Variants in ZNF407 observed in about 807,000 individuals in gnomAD.
ZNF407 encodes zinc finger protein 407.
ZNF407 carries 17 observed loss-of-function variants against 131.2 expected under a neutral mutation model. The ratio of observed to expected loss-of-function variants is 0.13; its 90% confidence interval spans 0.09 to 0.19. ZNF407 has a LOEUF of 0.19. ZNF407 is among the 10% of genes least tolerant of loss of function. The pLI is 1.00. For missense variants in ZNF407, 2,681 were observed against 2,830.6 expected, an observed-to-expected ratio of 0.95 and a Z score of 1.20; for synonymous variants, 1,156 against 1,062.0, an observed-to-expected ratio of 1.09 and a Z score of -1.72.
intron 8 of ZNF407, among the ~76,000 whole-genome samples, chr18:75,002,306 T>C (rs76292966): frequency 0.024 from 3,639 of 152,294 alleles, 135 homozygotes; most frequent in African/African-American, 0.08. Context: ...TAATAGACTT[T>C]CCTTTTTCTT....
At chr18:75,019,898 C>T (rs1453451699) in intron 8 of ZNF407, among the ~76,000 whole-genome samples, 1 of 152,120 alleles carries the variant, frequency 6.6e-6, no homozygotes, top group East Asian at 1.9e-4. Flanking sequence ...TTACTCATCA[C>T]AAGAACAGCA....
chr18:74,802,150 G>A (rs1243374052), intron 4 of ZNF407, among the ~76,000 whole-genome samples: 2 of 152,024 alleles, frequency 1.3e-5, no homozygotes, highest in Non-Finnish European at 2.9e-5. Flanking sequence ...ATATATAAAT[G>A]TACATATAGT....
intron 3 of ZNF407, among the ~76,000 whole-genome samples, chr18:74,762,788 T>G (rs1168889934): frequency 3.3e-5 from 5 of 152,164 alleles, no homozygotes; most frequent in Admixed American, 1.3e-4. Flanking sequence ...TAATTCCTCA[T>G]TATTGCTGAG....
intron 8 of ZNF407, among the ~76,000 whole-genome samples, chr18:74,956,758 C>A (rs1030252666): frequency 1.3e-5 from 2 of 152,144 alleles, no homozygotes; most frequent in Non-Finnish European, 2.9e-5. Context: ...GATGTAGTGT[C>A]TTGTCCAGGG....
intron 4 of ZNF407, among the ~76,000 whole-genome samples, chr18:74,797,247 G>T (rs1969937334): frequency 6.6e-6 from 1 of 152,232 alleles, no homozygotes; most frequent in Admixed American, 6.5e-5. Flanking sequence ...AAAGCTCTCT[G>T]ATATGTGAAG....
chr18:74,998,613 G>T (rs969359443), intron 8 of ZNF407, among the ~76,000 whole-genome samples: 1 of 149,824 alleles, frequency 6.7e-6, no homozygotes, highest in African/African-American at 2.5e-5. Context: ...ATCATCACTG[G>T]CCATCAGAGA....
intron 4 of ZNF407, among the ~76,000 whole-genome samples, chr18:74,843,471 C>T (rs1970661783): frequency 6.6e-6 from 1 of 152,162 alleles, no homozygotes; most frequent in African/African-American, 2.4e-5. Flanking sequence ...ATCCACACTT[C>T]ATCTTTACTT....
At chr18:74,999,549 A>G (rs1323535100) in intron 8 of ZNF407, among the ~76,000 whole-genome samples, 3 of 152,272 alleles carry the variant, frequency 2.0e-5, no homozygotes, top group Middle Eastern at 3.4e-3. Flanking sequence ...CTCCAGGAAT[A>G]TAGGAATATT....
At chr18:74,757,511 A>G (rs973024008) in intron 3 of ZNF407, among the ~76,000 whole-genome samples, 3 of 152,102 alleles carry the variant, frequency 2.0e-5, no homozygotes, top group Non-Finnish European at 2.9e-5. Context: ...AAAGGAAATA[A>G]AAGTATTTCT....
intron 3 of ZNF407, among the ~76,000 whole-genome samples, chr18:74,704,151 A>G (rs941081247): frequency 1.3e-5 from 2 of 152,110 alleles, no homozygotes; most frequent in African/African-American, 4.8e-5. Flanking sequence ...TTCTGTCAGC[A>G]CTTCTGATTT....
intron 3 of ZNF407, among the ~76,000 whole-genome samples, chr18:74,735,234 G>T (rs928147801): frequency 3.3e-5 from 5 of 152,090 alleles, no homozygotes; most frequent in African/African-American, 1.2e-4. Context: ...AAATGCTAAG[G>T]TTTTATGCTG....
chr18:74,871,654 A>C (rs1160234667), intron 4 of ZNF407, among the ~76,000 whole-genome samples: 2 of 152,166 alleles, frequency 1.3e-5, no homozygotes, highest in African/African-American at 4.8e-5. Context: ...TTTCATTTGG[A>C]ACATACCAGA....
intron 8 of ZNF407, among the ~76,000 whole-genome samples, chr18:74,933,016 G>A (rs541208841): frequency 7.2e-5 from 11 of 152,290 alleles, no homozygotes; most frequent in Admixed American, 2.0e-4. Context: ...TAGAATTACC[G>A]TATTATCCAG....
chr18:74,635,807 C>A lies in ZNF407; in HGVS notation c.4687+101C>A. 1 of 1,466,086 alleles carries A rather than the reference C, an allele frequency of 6.8e-7. No homozygotes were observed. Among genetic ancestry groups the A allele is most frequent in the South Asian group, 1.4e-5 (1 of 70,874 alleles). The allele number at this position is 1,466,086 out of a possible 1,614,324, so 90.8% of individuals were successfully genotyped here. ...TGTGGCTGCTCATTGGCTTTCCACC[C>A]GGTTCACATTTCACTGCCGTGTGCT... On this transcript the variant is annotated intron_variant, in intron 2 of 8. Transcript: ENST00000299687. The surrounding 1 kb of genome is among the most constrained non-coding windows in gnomAD (Gnocchi z 4.7).
chr18:75,063,875 G>A lies in ZNF407; in HGVS notation c.6154G>A (p.Ala2052Thr), dbSNP rs186540199. The A allele has an allele frequency of 2.7e-5, 44 of 1,611,990 alleles. No individual in the cohort carries two copies. Among genetic ancestry groups the A allele is most frequent in the East Asian group, 6.7e-5 (3 of 44,788 alleles). The change falls in exon 9 of 9, where the codon GCC becomes ACC. Residue 2052 changes from alanine (A) to threonine (T), a missense_variant. Around this residue, in one of 6 missense-constraint regions of ZNF407, gnomAD observed 620 missense variants for 583.1 expected, o/e 1.06. Transcript: ENST00000299687. This position sits in a 1 kb window ranked among gnomAD's most constrained non-coding sequence, Gnocchi z 6.6. ...MFPQAQESPA[A>T]VEVLTQVVHP... ...CCCACAGGCCCAGGAGAGCCCGGCCGCCGTGGAGGTGCTCACCCAGGTGGT... is the reference window on the plus strand; with the variant it reads ...CCCACAGGCCCAGGAGAGCCCGGCCACCGTGGAGGTGCTCACCCAGGTGGT...
intron 4 of ZNF407, among the ~76,000 whole-genome samples, chr18:74,859,536 T>G (rs921919884): frequency 2.0e-5 from 3 of 152,194 alleles, no homozygotes; most frequent in Non-Finnish European, 4.4e-5. Flanking sequence ...TCGAGATGGA[T>G]TTTTGTAGGA....
rs192831509 is a variant in ZNF407, at chr18:74,628,870, G to A, written c.-53-2097G>A. Among the ~76,000 whole-genome samples the A allele has an allele frequency of 3.5e-3, 538 of 152,192 alleles. 5 individuals are homozygous for A. Among genetic ancestry groups the A allele is most frequent in the African/African-American group, 0.013 (526 of 41,524 alleles). ...ATTGGGATTGTAGGCATGAGCTACC[G>A]TGCCTGGCCGATACTTCATTCTTTT... On this transcript the variant is annotated intron_variant, in intron 1 of 8. Transcript: ENST00000299687.
At chr18:74,730,491 TA>T (rs915805917) in intron 3 of ZNF407, among the ~76,000 whole-genome samples, 2 of 152,228 alleles carry the variant, frequency 1.3e-5, no homozygotes, top group African/African-American at 4.8e-5. Flanking sequence ...CCGAAGTAGC[TA>T]CTGCCCGTCA....
intron 4 of ZNF407, among the ~76,000 whole-genome samples, chr18:74,847,393 T>C (rs1970717100): frequency 6.6e-6 from 1 of 152,220 alleles, no homozygotes; most frequent in South Asian, 2.1e-4. Flanking sequence ...ATCTTTCCTC[T>C]AAGACCTCTT....
Sources: allele counts gnomAD v4.1 joint callset (sites outside exome capture counted in the v4.1 genomes callset), GRCh38; gene constraint gnomAD v4.1.1; regional missense constraint gnomAD v4.1.1; non-coding constraint Gnocchi (gnomAD v3.1); transcripts MANE v1.5; gene names NCBI Gene and HGNC (gene_info 2026-07-23, HGNC 2026-07-21).